Variants in TMEM265 observed in about 807,000 individuals in gnomAD.
TMEM265 encodes the protein transmembrane protein 265.
TMEM265 carries 8 observed loss-of-function variants against 9.5 expected under a neutral mutation model. The observed-to-expected ratio is 0.84, with a 90% CI of 0.49 to 1.52. The LOEUF is 1.52. Among genes scored for constraint, TMEM265 ranks in the 40% most tolerant of loss-of-function variants. The pLI, the probability that TMEM265 is intolerant of heterozygous loss-of-function variation, is 0.00. For synonymous variants in TMEM265, 53 were observed against 56.9 expected, an observed-to-expected ratio of 0.93 and a Z score of 0.31; for missense variants, 152 against 146.2, an observed-to-expected ratio of 1.04 and a Z score of -0.21.
chr16:30,743,347 C>G (rs1345137541), intron 2 of TMEM265, among the ~76,000 whole-genome samples: 1 of 151,844 alleles, frequency 6.6e-6, no homozygotes. Context: ...CACCACTGCA[C>G]TCCAGCCTGG....
chr16:30,745,140 A>G lies in TMEM265; in HGVS notation c.*1197A>G, dbSNP rs1026636973. On this transcript the variant is annotated 3_prime_UTR_variant, in exon 3 of 3. Transcript: ENST00000615541. ...TTTTGTCTGCATTTGAACTTTATAT[A>G]AATGGAATCATGTATTCTTTTCATG... The G allele has an allele frequency of 3.2e-4, 49 of 152,230 alleles. No homozygotes were observed. The highest frequency in any genetic ancestry group is 3.2e-3 in the Admixed American group (49 of 15,286). 9.4% of individuals were successfully genotyped at this position (152,230 alleles called of 1,614,324 possible). A position where few individuals can be genotyped will look rare whatever the true frequency, so the allele number is the denominator to read the frequency against.
intron 2 of TMEM265, among the ~76,000 whole-genome samples, chr16:30,743,023 T>G (rs545884311): frequency 8.2e-4 from 125 of 151,832 alleles, no homozygotes; most frequent in African/African-American, 2.9e-3. Flanking sequence ...ACCCTAGACA[T>G]ATTTTAACAG....
intron 2 of TMEM265, among the ~76,000 whole-genome samples, chr16:30,742,743 T>C (rs1381100074): frequency 6.6e-6 from 1 of 151,488 alleles, no homozygotes; most frequent in East Asian, 2.0e-4. Flanking sequence ...TAGGCCAACA[T>C]GGTAAAACCC....
chr16:30,741,698 G>T (rs1308142139), intron 1 of TMEM265, 43 bp from the exon 2 acceptor site: 5 of 1,508,334 alleles, frequency 3.3e-6, no homozygotes, highest in Middle Eastern at 4.7e-4. Context: ...AAGGCCAAGG[G>T]CTCTGTTGTT....
chr16:30,740,988 G>A (rs960824935), intron 1 of TMEM265: 23 of 152,348 alleles, frequency 1.5e-4, no homozygotes, highest in African/African-American at 5.3e-4. Context: ...CCAGGGCCTA[G>A]AGGACCTGAG....
chr16:30,743,757 C>CGT, intron 2 of TMEM265, 25 bp from the exon 3 acceptor site: 1 of 1,503,518 alleles, frequency 6.7e-7, no homozygotes. Context: ...AGGGGGAGAA[C>CGT]CTAACCAAGA....
intron 2 of TMEM265, among the ~76,000 whole-genome samples, chr16:30,743,149 G>A (rs550983300): frequency 6.6e-6 from 1 of 152,146 alleles, no homozygotes; most frequent in Non-Finnish European, 1.5e-5. Flanking sequence ...CACTTTGGGA[G>A]GCCGAGGTGG....
chr16:30,741,445 G>A (rs2053224363), intron 1 of TMEM265: 3 of 306,912 alleles, frequency 9.8e-6, no homozygotes, highest in Admixed American at 4.7e-5. Context: ...CCTTCTCGGT[G>A]TGCACCTGTC....
intron 2 of TMEM265, among the ~76,000 whole-genome samples, 174 bp downstream of exon 2, chr16:30,742,082 A>G (rs1335811922): frequency 1.3e-5 from 2 of 152,156 alleles, no homozygotes; most frequent in African/African-American, 4.8e-5. Flanking sequence ...CTAATGAAAG[A>G]GGTGACAGTG....
Position 30,744,051 on chromosome 16 carries a change from T to C in TMEM265, c.*108T>C. On this transcript the variant is annotated 3_prime_UTR_variant, in exon 3 of 3. Coordinates refer to ENST00000615541, the MANE Select transcript of TMEM265 (RefSeq NM_001256829.2). Reference sequence around the variant, plus strand: ...GTTGGAAGGATCCTGGTTGGAAGGATGGGGACTCTCTCAAGGGGCTTTGGA... The same window carrying C: ...GTTGGAAGGATCCTGGTTGGAAGGACGGGGACTCTCTCAAGGGGCTTTGGA... The C allele has an allele frequency of 7.6e-7, 1 of 1,310,094 alleles. No homozygotes were observed. The highest frequency in any genetic ancestry group is 1.0e-6 in the Non-Finnish European group (1 of 975,602). 81.2% of individuals were successfully genotyped at this position (1,310,094 alleles called of 1,614,324 possible). A position where few individuals can be genotyped will look rare whatever the true frequency, so the allele number is the denominator to read the frequency against.
Position 30,743,966 on chromosome 16 carries a change from G to C in TMEM265, c.*23G>C. 6.5e-7 allele frequency: 1 copy of C among 1,528,514 alleles called. No homozygotes were observed. Among genetic ancestry groups the C allele is most frequent in the Non-Finnish European group, 8.7e-7 (1 of 1,143,352 alleles). The allele number at this position is 1,528,514 out of a possible 1,614,324, so 94.7% of individuals were successfully genotyped here. ...TGACCCTGGATGGCCTCTGCTGAGAGCCAGCCGAGACCTCCTGGATCCTGC... is the reference window on the plus strand; with the variant it reads ...TGACCCTGGATGGCCTCTGCTGAGACCCAGCCGAGACCTCCTGGATCCTGC... On this transcript the variant is annotated 3_prime_UTR_variant, in exon 3 of 3. Coordinates refer to ENST00000615541, the MANE Select transcript of TMEM265 (RefSeq NM_001256829.2).
At chr16:30,742,191 T>G (rs1166613008) in intron 2 of TMEM265, among the ~76,000 whole-genome samples, 1 of 152,062 alleles carries the variant, frequency 6.6e-6, no homozygotes, top group African/African-American at 2.4e-5. Context: ...TAATTATATA[T>G]GTGTATATGG....
chr16:30,742,266 G>A (rs2053231213), intron 2 of TMEM265, among the ~76,000 whole-genome samples: 1 of 152,120 alleles, frequency 6.6e-6, no homozygotes, highest in African/African-American at 2.4e-5. Context: ...GGGTGAGTGA[G>A]TAAGTGTGGA....
intron 2 of TMEM265, among the ~76,000 whole-genome samples, chr16:30,742,536 G>T (rs1196571907): frequency 6.6e-6 from 1 of 152,196 alleles, no homozygotes; most frequent in East Asian, 1.9e-4. Context: ...AGGGGGCAAG[G>T]CTGGAGGCCG....
Position 30,744,058 on chromosome 16 carries a change from T to C in TMEM265, c.*115T>C. 1 of 1,240,378 alleles carries C rather than the reference T, an allele frequency of 8.1e-7. No homozygotes were observed. 76.8% of individuals were successfully genotyped at this position (1,240,378 alleles called of 1,614,324 possible). A position where few individuals can be genotyped will look rare whatever the true frequency, so the allele number is the denominator to read the frequency against. On this transcript the variant is annotated 3_prime_UTR_variant, in exon 3 of 3. Transcript: ENST00000615541. ...GGATCCTGGTTGGAAGGATGGGGAC[T>C]CTCTCAAGGGGCTTTGGAAGAGCTC...
chr16:30,743,831 G>C lies in TMEM265; in HGVS notation c.215G>C (p.Gly72Ala). The change falls in exon 3 of 3, where the codon GGG (glycine) becomes GCG (alanine). Residue 72 changes from glycine to alanine, a missense_variant. Physicochemically the swap from Gly to Ala is moderately conservative, Grantham distance 60. Coordinates refer to ENST00000615541, the MANE Select transcript of TMEM265 (RefSeq NM_001256829.2). Reference sequence around the variant, plus strand: ...CGGTCCGAGGAGGCAGTGCGCTGGGGGGCCCGGGCCCGGAAACTCATCCTG... The same window carrying C: ...CGGTCCGAGGAGGCAGTGCGCTGGGCGGCCCGGGCCCGGAAACTCATCCTG... Reference protein sequence around the residue: ...AGRSEEAVRWGARARKLILAS... With the variant: ...AGRSEEAVRWAARARKLILAS... 4 of 1,533,846 alleles carry C rather than the reference G, an allele frequency of 2.6e-6. No individual in the cohort carries two copies. The highest frequency in any genetic ancestry group is 3.5e-6 in the Non-Finnish European group (4 of 1,146,696).
At position 30,741,647 on chromosome 16, in the gene TMEM265, T is replaced by G. The variant is rs188344666; in HGVS notation, c.-3-94T>G. 1,233 of 1,348,110 alleles carry G rather than the reference T, an allele frequency of 9.1e-4. 2 individuals are homozygous for G. Among genetic ancestry groups the G allele is most frequent in the Middle Eastern group, 3.2e-3 (12 of 3,750 alleles). The allele number at this position is 1,348,110 out of a possible 1,614,324, so 83.5% of individuals were successfully genotyped here. ...CATTCCTGAGTGCCAGGCTAGGCCA[T>G]GAGAACAGAATGCTCTGAGAGGGGT... On this transcript the variant is annotated intron_variant, in intron 1 of 2. Transcript: ENST00000615541.
At chr16:30,743,682 G>C in intron 2 of TMEM265, 100 bp from the exon 3 acceptor site, 1 of 1,360,696 alleles carries the variant, frequency 7.3e-7, no homozygotes, top group Non-Finnish European at 9.7e-7. Flanking sequence ...GTTTGGATGT[G>C]AGATTTTGAT....
intron 2 of TMEM265, among the ~76,000 whole-genome samples, chr16:30,742,924 CAAAAA>C (rs11300181): frequency 8.7e-6 from 1 of 114,706 alleles, no homozygotes; most frequent in African/African-American, 3.2e-5. Context: ...GACTCTGTCT[CAAAAA>C]AAAAAAAAAA....
Sources: gnomAD v4.1 joint callset for allele counts (sites outside exome capture counted in the v4.1 genomes callset) on GRCh38, gnomAD v4.1.1 for gene constraint, MANE v1.5 for transcripts, NCBI Gene and HGNC (gene_info 2026-07-23, HGNC 2026-07-21) for gene names.